Variants in UNC5D observed in about 807,000 individuals in gnomAD.
UNC5D encodes unc-5 netrin receptor D.
A neutral mutation model predicts 105.4 loss-of-function variants in UNC5D; 39 were observed. The observed-to-expected ratio is 0.37, with a 90% CI of 0.29 to 0.48. The LOEUF (loss-of-function observed/expected upper bound fraction) is 0.48, where lower values mean the gene tolerates loss of function less well. Among genes scored for constraint, UNC5D ranks in the 20% least tolerant of loss-of-function variants. The probability of loss-of-function intolerance (pLI) is 0.98; values close to 1 mark genes in which losing one functional copy is unlikely to be tolerated. For missense variants in UNC5D, 991 were observed against 1,202.4 expected (o/e 0.82, Z 2.60); for synonymous variants, 452 against 450.4 (o/e 1.00, Z -0.04).
intron 1 of UNC5D, among the ~76,000 whole-genome samples, chr8:35,424,963 T>C (rs1806146784): frequency 6.6e-6 from 1 of 152,148 alleles, no homozygotes; most frequent in Non-Finnish European, 1.5e-5. Context: ...TGTTAGAATG[T>C]GGGTGATCAT....
intron 12 of UNC5D, among the ~76,000 whole-genome samples, chr8:35,750,035 A>C (rs1236569944): frequency 2.6e-5 from 4 of 151,390 alleles, no homozygotes; most frequent in African/African-American, 9.8e-5. Context: ...GATTTCTAAA[A>C]CTCAACATTG....
chr8:35,461,204 G>A (rs1808866601), intron 1 of UNC5D, among the ~76,000 whole-genome samples: 1 of 152,166 alleles, frequency 6.6e-6, no homozygotes, highest in African/African-American at 2.4e-5. Context: ...AACGGTGATG[G>A]GTGAGTTGGT....
At chr8:35,722,421 C>G (rs1828632205) in intron 9 of UNC5D, 26 bp downstream of exon 9, 1 of 1,606,100 alleles carries the variant, frequency 6.2e-7, no homozygotes, top group Non-Finnish European at 8.5e-7. Context: ...CCCTCCACAC[C>G]TCGTCCTCAG....
At chr8:35,573,459 G>A (rs557842647) in intron 3 of UNC5D, among the ~76,000 whole-genome samples, 5 of 151,902 alleles carry the variant, frequency 3.3e-5, no homozygotes, top group African/African-American at 1.2e-4. Flanking sequence ...CATCTCTTAG[G>A]AAAGAAAAAG....
chr8:35,441,204 C>A (rs1807372082), intron 1 of UNC5D, among the ~76,000 whole-genome samples: 1 of 151,932 alleles, frequency 6.6e-6, no homozygotes, highest in African/African-American at 2.4e-5. Context: ...TCAGAACATA[C>A]TCCTCACCTA....
intron 16 of UNC5D, among the ~76,000 whole-genome samples, chr8:35,775,604 A>T (rs1166431540): frequency 1.4e-5 from 2 of 145,976 alleles, no homozygotes; most frequent in African/African-American, 2.5e-5. Flanking sequence ...CTTTGGTACT[A>T]TTTTTTTTTT....
intron 1 of UNC5D, among the ~76,000 whole-genome samples, chr8:35,441,672 AT>A (rs1169611688): frequency 6.6e-6 from 1 of 151,702 alleles, no homozygotes; most frequent in South Asian, 2.1e-4. Context: ...CATCTCTTTG[AT>A]TTTGGTATAA....
At chr8:35,249,312 C>T (rs536598397) in intron 1 of UNC5D, among the ~76,000 whole-genome samples, 4 of 149,628 alleles carry the variant, frequency 2.7e-5, no homozygotes, top group Non-Finnish European at 4.4e-5. Flanking sequence ...AATCCCAGCA[C>T]TTTGGGAAGC....
chr8:35,481,380 G>A (rs568111754), intron 1 of UNC5D, among the ~76,000 whole-genome samples: 3 of 152,136 alleles, frequency 2.0e-5, no homozygotes, highest in East Asian at 1.9e-4. Flanking sequence ...GCCTGGTGGC[G>A]GAGTAAGATC....
intron 3 of UNC5D, among the ~76,000 whole-genome samples, chr8:35,571,342 A>G (rs562362506): frequency 6.9e-4 from 105 of 152,232 alleles, no homozygotes; most frequent in Non-Finnish European, 1.2e-3. Context: ...AAATTATCCA[A>G]TGTACTTAAT....
chr8:35,285,859 C>T (rs1806556796), intron 1 of UNC5D, among the ~76,000 whole-genome samples: 1 of 152,070 alleles, frequency 6.6e-6, no homozygotes, highest in Admixed American at 6.5e-5. Flanking sequence ...ACATTTTGGA[C>T]TTTGTAGTCG....
At chr8:35,415,333 A>G (rs953144936) in intron 1 of UNC5D, among the ~76,000 whole-genome samples, 2 of 152,118 alleles carry the variant, frequency 1.3e-5, no homozygotes, top group African/African-American at 4.8e-5. Flanking sequence ...TTCAAAATTA[A>G]ATTTCCAGAC....
intron 1 of UNC5D, chr8:35,255,358 C>A (rs530317265): frequency 2.0e-5 from 3 of 152,228 alleles, no homozygotes; most frequent in East Asian, 1.9e-4. Context: ...TCAAGGCCAC[C>A]AGTAGCAAGC....
chr8:35,320,870 G>T (rs1036033558), intron 1 of UNC5D, among the ~76,000 whole-genome samples: 1 of 152,126 alleles, frequency 6.6e-6, no homozygotes, highest in Non-Finnish European at 1.5e-5. Context: ...TTTTATTTTT[G>T]ACTTACAAAT....
chr8:35,251,298 G>A (rs959144060), intron 1 of UNC5D, among the ~76,000 whole-genome samples: 1 of 152,116 alleles, frequency 6.6e-6, no homozygotes, highest in Non-Finnish European at 1.5e-5. Flanking sequence ...TTCACATGGT[G>A]GCAGCAAGAA....
chr8:35,305,593 C>CTTTATTTCTTTCTTTCTTTCTTTCA (rs1381069195), intron 1 of UNC5D, among the ~76,000 whole-genome samples: 5 of 142,020 alleles, frequency 3.5e-5, no homozygotes, highest in Admixed American at 7.0e-5. Flanking sequence ...TTCTTTCTTT[C>CTTTATTTCTTTCTTTCTTTCTTTCA]TTTCTTTCTT....
chr8:35,272,660 C>T (rs1805494773), intron 1 of UNC5D, among the ~76,000 whole-genome samples: 2 of 152,144 alleles, frequency 1.3e-5, no homozygotes, highest in Non-Finnish European at 2.9e-5. Context: ...CACCAGCTGC[C>T]GCAGTGCTCC....
At chr8:35,629,845 C>T (rs1326910406) in intron 4 of UNC5D, among the ~76,000 whole-genome samples, 2 of 152,102 alleles carry the variant, frequency 1.3e-5, no homozygotes, top group African/African-American at 4.8e-5. Context: ...CCCCCCACCC[C>T]AGGTCGTAAA....
intron 1 of UNC5D, among the ~76,000 whole-genome samples, chr8:35,511,368 G>T (rs1354024943): frequency 6.6e-6 from 1 of 150,914 alleles, no homozygotes; most frequent in African/African-American, 2.4e-5. Flanking sequence ...GTGCAGTGGT[G>T]TGTTTCTATA....
Sources: gnomAD v4.1 joint callset for allele counts (sites outside exome capture counted in the v4.1 genomes callset) on GRCh38, gnomAD v4.1.1 for gene constraint, MANE v1.5 for transcripts, NCBI Gene and HGNC (gene_info 2026-07-23, HGNC 2026-07-21) for gene names.